MSH4: variants seen among roughly 807,000 people sequenced by gnomAD.
MSH4 encodes mutS protein homolog 4.
MSH4 carries 106 observed loss-of-function variants against 113.7 expected under a neutral mutation model. The observed-to-expected ratio is 0.93, with a 90% CI of 0.80 to 1.10. The LOEUF (loss-of-function observed/expected upper bound fraction) is 1.10, where lower values mean the gene tolerates loss of function less well. Among genes scored for constraint, MSH4 ranks in the 50% least tolerant of loss-of-function variants. The pLI is 0.00. For synonymous variants in MSH4, 368 were observed against 380.2 expected (o/e 0.97, Z 0.37); for missense variants, 1,061 against 1,093.7 (o/e 0.97, Z 0.42).
At chr1:75,802,715 A>C (rs538045054) in intron 1 of MSH4, among the ~76,000 whole-genome samples, 10 of 152,254 alleles carry the variant, frequency 6.6e-5, no homozygotes, top group Non-Finnish European at 1.2e-4. Flanking sequence ...TTATTATACA[A>C]ATGAAACATA....
At chr1:75,812,071 G>T (rs1222893375) in intron 4 of MSH4, among the ~76,000 whole-genome samples, 1 of 151,958 alleles carries the variant, frequency 6.6e-6, no homozygotes, top group East Asian at 1.9e-4. Flanking sequence ...TTTTGTTGTT[G>T]TTGTTGTTGT....
At chr1:75,831,073 C>T (rs1055633779) in intron 7 of MSH4, among the ~76,000 whole-genome samples, 3 of 151,984 alleles carry the variant, frequency 2.0e-5, no homozygotes, top group Non-Finnish European at 4.4e-5. Context: ...CACATAGGCT[C>T]ACAATAAAGG....
intron 14 of MSH4, 85 bp downstream of exon 14, chr1:75,881,455 TA>T: frequency 2.1e-6 from 3 of 1,401,004 alleles, no homozygotes; most frequent in Non-Finnish European, 2.9e-6. Flanking sequence ...TTATGACATT[TA>T]AAATTTTTAA....
chr1:75,824,494 T>C (rs1430610353), intron 7 of MSH4, among the ~76,000 whole-genome samples: 1 of 152,210 alleles, frequency 6.6e-6, no homozygotes, highest in African/African-American at 2.4e-5. Flanking sequence ...CACTTGTCAA[T>C]TTTGGCTTTT....
chr1:75,859,633 T>C (rs572497314), intron 8 of MSH4, among the ~76,000 whole-genome samples: 3 of 152,338 alleles, frequency 2.0e-5, no homozygotes, highest in South Asian at 2.1e-4. Flanking sequence ...AGGCAGTTTG[T>C]TGTGATTTCT....
rs1276998811 is a variant in MSH4, at chr1:75,885,318, G to GGGGTGT, written c.2107+1498_2107+1499insGGTGTG. Among the ~76,000 whole-genome samples, 140 of 105,328 alleles carry GGGGTGT rather than the reference G, an allele frequency of 1.3e-3. 1 individual carries two copies. The highest frequency in any genetic ancestry group is 5.0e-3 in the African/African-American group (133 of 26,356). 69.1% of individuals were successfully genotyped at this position (105,328 alleles called of 152,430 possible). A position where few individuals can be genotyped will look rare whatever the true frequency, so the allele number is the denominator to read the frequency against. On this transcript the variant is annotated intron_variant, in intron 15 of 19. Transcript: ENST00000263187. The stretch of plus-strand genomic sequence containing the variant: ...GTAGTATATATAGACTCACACTGGG[G>GGGGTGT]GTGTGTGTGTGTGTGTGTGTGTGTA...
intron 6 of MSH4, among the ~76,000 whole-genome samples, chr1:75,822,148 G>A (rs1368794557): frequency 2.0e-5 from 3 of 152,028 alleles, no homozygotes; most frequent in African/African-American, 7.2e-5. Flanking sequence ...AATTAGCTGG[G>A]CGTGGTGGCG....
At chr1:75,903,532 A>C (rs904487162) in intron 19 of MSH4, among the ~76,000 whole-genome samples, 1 of 152,006 alleles carries the variant, frequency 6.6e-6, no homozygotes, top group Non-Finnish European at 1.5e-5. Flanking sequence ...GTTCCATATA[A>C]ATTTTAGGAT....
intron 19 of MSH4, among the ~76,000 whole-genome samples, chr1:75,908,869 G>A (rs1002034718): frequency 5.3e-5 from 8 of 152,146 alleles, no homozygotes; most frequent in African/African-American, 1.9e-4. Context: ...ACACATCTCA[G>A]ATGGTAGGGT....
At chr1:75,885,943 ATAAT>A (rs1309871140) in intron 15 of MSH4, among the ~76,000 whole-genome samples, 3 of 120,422 alleles carry the variant, frequency 2.5e-5, no homozygotes, top group Non-Finnish European at 4.8e-5. Flanking sequence ...TATAACATAT[ATAAT>A]ATATATGATG....
At chr1:75,803,611 C>G in intron 1 of MSH4, 120 bp from the exon 2 acceptor site, 2 of 737,992 alleles carry the variant, frequency 2.7e-6, no homozygotes, top group South Asian at 2.8e-5. Flanking sequence ...GAGCAAGACT[C>G]TGTCTCAAAA....
intron 8 of MSH4, among the ~76,000 whole-genome samples, chr1:75,857,227 A>T (rs563565695): frequency 6.6e-6 from 1 of 152,064 alleles, no homozygotes; most frequent in African/African-American, 2.4e-5. Flanking sequence ...ATTTTCTCCC[A>T]TTCTGTAAGT....
chr1:75,812,495 C>A (rs1570943077), intron 4 of MSH4, among the ~76,000 whole-genome samples: 1 of 152,202 alleles, frequency 6.6e-6, no homozygotes, highest in African/African-American at 2.4e-5. Context: ...AGATCGAGAC[C>A]ATCCTGGCTA....
chr1:75,797,748 A>G (rs537162688), intron 1 of MSH4, among the ~76,000 whole-genome samples: 2 of 152,292 alleles, frequency 1.3e-5, no homozygotes, highest in Non-Finnish European at 2.9e-5. Context: ...CCTGGCCAAC[A>G]TGGTGAACCT....
chr1:75,860,005 C>T (rs1239034491), intron 8 of MSH4, among the ~76,000 whole-genome samples: 2 of 152,152 alleles, frequency 1.3e-5, no homozygotes, highest in Non-Finnish European at 2.9e-5. Flanking sequence ...GATCCCTTTA[C>T]CAATATGTAA....
At chr1:75,886,811 T>C (rs900198885) in intron 15 of MSH4, among the ~76,000 whole-genome samples, 65 of 104,472 alleles carry the variant, frequency 6.2e-4, no homozygotes, top group Middle Eastern at 6.7e-3. Flanking sequence ...TATATATATA[T>C]ACTCACACTG....
At chr1:75,801,760 A>G (rs975871820) in intron 1 of MSH4, among the ~76,000 whole-genome samples, 1 of 151,094 alleles carries the variant, frequency 6.6e-6, no homozygotes, top group African/African-American at 2.4e-5. Context: ...GTCCATAGTT[A>G]CTCAAGAGGC....
intron 16 of MSH4, 117 bp downstream of exon 16, chr1:75,889,486 A>G: frequency 6.1e-6 from 3 of 490,280 alleles, no homozygotes; most frequent in Non-Finnish European, 1.1e-5. Context: ...CCCTTTTCTA[A>G]GAGCCAGAGG....
chr1:75,854,017 A>G (rs1359103507), intron 8 of MSH4, among the ~76,000 whole-genome samples: 3 of 143,336 alleles, frequency 2.1e-5, no homozygotes, highest in African/African-American at 7.5e-5. Flanking sequence ...GTGTGTGTAT[A>G]TATATATATA....
Sources: gnomAD v4.1 joint callset for allele counts (sites outside exome capture counted in the v4.1 genomes callset) on GRCh38, gnomAD v4.1.1 for gene constraint, MANE v1.5 for transcripts, NCBI Gene and HGNC (gene_info 2026-07-23, HGNC 2026-07-21) for gene names.